Variants in DSCAM observed in about 807,000 individuals in gnomAD.
DSCAM encodes the protein DS cell adhesion molecule, also known as cell adhesion molecule DSCAM.
A neutral mutation model predicts 217.7 loss-of-function variants in DSCAM; 47 were observed. The ratio of observed to expected loss-of-function variants is 0.22; its 90% CI spans 0.17 to 0.28. DSCAM has a LOEUF of 0.28. DSCAM is among the 10% of genes least tolerant of loss of function. The pLI is 1.00. For synonymous variants in DSCAM, 1,056 were observed against 1,015.3 expected, an observed-to-expected ratio of 1.04 and a Z score of -0.76; for missense variants, 2,080 against 2,618.3, an observed-to-expected ratio of 0.79 and a Z score of 4.49.
At chr21:40,242,821 G>A (rs898674558) in intron 11 of DSCAM, among the ~76,000 whole-genome samples, 1 of 152,234 alleles carries the variant, frequency 6.6e-6, no homozygotes, top group South Asian at 2.1e-4. Flanking sequence ...AAGCAGCTAA[G>A]AAGCAGGTTG....
intron 1 of DSCAM, among the ~76,000 whole-genome samples, chr21:40,807,471 G>C (rs1407880212): frequency 6.6e-6 from 1 of 152,086 alleles, no homozygotes; most frequent in African/African-American, 2.4e-5. Context: ...CGGGATGGGG[G>C]TGGAGGGCGA....
intron 3 of DSCAM, among the ~76,000 whole-genome samples, chr21:40,497,564 C>G (rs1187631131): frequency 6.6e-6 from 1 of 152,136 alleles, no homozygotes; most frequent in Non-Finnish European, 1.5e-5. Context: ...AACACGGTGA[C>G]TGCAATTAAT....
At chr21:40,657,008 A>G (rs1383702796) in intron 3 of DSCAM, among the ~76,000 whole-genome samples, 2 of 152,228 alleles carry the variant, frequency 1.3e-5, no homozygotes, top group Admixed American at 1.3e-4. Flanking sequence ...TCTATCAAAA[A>G]TATTTTTTAA....
At chr21:40,568,315 A>T (rs905562587) in intron 3 of DSCAM, among the ~76,000 whole-genome samples, 2 of 151,590 alleles carry the variant, frequency 1.3e-5, no homozygotes, top group Admixed American at 6.6e-5. Context: ...AAATATATAT[A>T]TTTTTTTTCT....
At position 40,676,662 on chromosome 21, in the gene DSCAM, A is replaced by G. The variant is rs371344509; in HGVS notation, c.508+16148T>C. Among the ~76,000 whole-genome samples the G allele has an allele frequency of 2.3e-4, 35 of 152,362 alleles. No individual in the cohort carries two copies. In the East Asian group the frequency reaches 5.4e-3, roughly 23 times the overall value. On this transcript the variant is annotated intron_variant, in intron 3 of 32. Coordinates refer to ENST00000400454, the MANE Select transcript of DSCAM (RefSeq NM_001389.5). Reference sequence around the variant, plus strand: ...TTGATGGGGACACAGTGTGGGACACAGACTGACATGGAAAGTTCGAACACA... The same window carrying G: ...TTGATGGGGACACAGTGTGGGACACGGACTGACATGGAAAGTTCGAACACA...
intron 5 of DSCAM, among the ~76,000 whole-genome samples, chr21:40,349,593 T>C (rs2074606851): frequency 6.6e-6 from 1 of 152,204 alleles, no homozygotes; most frequent in African/African-American, 2.4e-5. Flanking sequence ...CATACATCAT[T>C]TAAGTCAGTC....
intron 32 of DSCAM, among the ~76,000 whole-genome samples, chr21:40,022,725 C>T: frequency 6.6e-6 from 1 of 151,678 alleles, no homozygotes; most frequent in East Asian, 1.9e-4. Flanking sequence ...GTTTTGTGAC[C>T]CTTTTGAGCC....
chr21:40,584,441 G>A (rs537566979), intron 3 of DSCAM, among the ~76,000 whole-genome samples: 4 of 152,316 alleles, frequency 2.6e-5, no homozygotes, highest in Non-Finnish European at 4.4e-5. Flanking sequence ...AGAAGCGTCG[G>A]CAGCAGGGCA....
intron 4 of DSCAM, among the ~76,000 whole-genome samples, chr21:40,367,345 A>G (rs1431362644): frequency 6.6e-6 from 1 of 152,142 alleles, no homozygotes; most frequent in Non-Finnish European, 1.5e-5. Context: ...AGTTGTGTTG[A>G]AGGTGCCATC....
At chr21:40,842,004 A>G (rs79566420) in intron 1 of DSCAM, among the ~76,000 whole-genome samples, 3,130 of 152,192 alleles carry the variant, frequency 0.021, 106 homozygotes, top group African/African-American at 0.071. Flanking sequence ...TGAACTTGAG[A>G]GATCGTGGGG....
chr21:40,349,136 C>CAAAAAAAAA (rs758386936), intron 5 of DSCAM, among the ~76,000 whole-genome samples: 1,014 of 38,618 alleles, frequency 0.026, 132 homozygotes, highest in African/African-American at 0.086. Flanking sequence ...GACTCCATCT[C>CAAAAAAAAA]AAAAAAAAAA....
At chr21:40,189,415 TTGAG>T (rs2090931317) in intron 11 of DSCAM, among the ~76,000 whole-genome samples, 177 bp from the exon 12 acceptor site, 1 of 152,116 alleles carries the variant, frequency 6.6e-6, no homozygotes, top group South Asian at 2.1e-4. Flanking sequence ...AAAATGAAAC[TTGAG>T]TAAGTGAGCC....
intron 9 of DSCAM, among the ~76,000 whole-genome samples, chr21:40,301,353 C>T (rs949418612): frequency 6.6e-6 from 1 of 152,190 alleles, no homozygotes; most frequent in African/African-American, 2.4e-5. Flanking sequence ...CCTTGGTCTC[C>T]AGTTGCATTC....
intron 3 of DSCAM, among the ~76,000 whole-genome samples, chr21:40,484,463 T>A (rs1439853527): frequency 6.6e-6 from 1 of 152,158 alleles, no homozygotes; most frequent in East Asian, 1.9e-4. Flanking sequence ...AGAAAACAAA[T>A]CTCTGTGGAT....
chr21:40,774,222 T>C (rs138135841), intron 1 of DSCAM, among the ~76,000 whole-genome samples: 5 of 152,298 alleles, frequency 3.3e-5, no homozygotes, highest in Non-Finnish European at 5.9e-5. Context: ...ATAAAAGATG[T>C]AGAGTGAAAG....
At chr21:40,076,679 T>A (rs1223055996) in intron 26 of DSCAM, among the ~76,000 whole-genome samples, 1 of 152,252 alleles carries the variant, frequency 6.6e-6, no homozygotes, top group Non-Finnish European at 1.5e-5. Context: ...CGCAGAACAC[T>A]TTGTGAATTA....
chr21:40,210,556 G>A (rs116343645), intron 11 of DSCAM, among the ~76,000 whole-genome samples: 2,022 of 152,190 alleles, frequency 0.013, 43 homozygotes, highest in African/African-American at 0.044. Flanking sequence ...TCATTTATTT[G>A]TTCTTTAAGA....
intron 19 of DSCAM, among the ~76,000 whole-genome samples, chr21:40,130,181 A>C (rs1194476225): frequency 1.3e-5 from 2 of 152,222 alleles, no homozygotes; most frequent in Non-Finnish European, 2.9e-5. Context: ...AGCAATTGGA[A>C]GATTAATAGA....
chr21:40,193,399 C>T (rs1882793), intron 11 of DSCAM, among the ~76,000 whole-genome samples: 10,311 of 152,172 alleles, frequency 0.068, 1,103 homozygotes, highest in African/African-American at 0.23. Context: ...TCAAAGCCAA[C>T]AAAAGTAACC....
Sources: allele counts gnomAD v4.1 joint callset (sites outside exome capture counted in the v4.1 genomes callset), GRCh38; gene constraint gnomAD v4.1.1; transcripts MANE v1.5; gene names NCBI Gene and HGNC (gene_info 2026-07-23, HGNC 2026-07-21).